SHISA5: variants seen among roughly 807,000 people sequenced by gnomAD.
SHISA5 encodes protein shisa-5.
Under a neutral mutation model 27.5 loss-of-function variants are expected in SHISA5, and 21 were observed. That is an observed-to-expected ratio of 0.76 (90% CI 0.54 to 1.10). SHISA5 has a LOEUF of 1.10. Ranked by LOEUF, SHISA5 falls within the 50% of genes least tolerant of loss-of-function variation. The probability of loss-of-function intolerance (pLI) is 0.00; values close to 1 mark genes in which losing one functional copy is unlikely to be tolerated. For synonymous variants in SHISA5, 137 were observed against 142.2 expected, an observed-to-expected ratio of 0.96 and a Z score of 0.26; for missense variants, 314 against 336.3, an observed-to-expected ratio of 0.93 and a Z score of 0.52.
rs748925455 is a variant in SHISA5 at position 48,469,834 on chromosome 3, C to T, written c.324G>A (p.Ala108=). 1.5e-5 allele frequency: 24 copies of T among 1,613,272 alleles called. No homozygotes were observed. Among genetic ancestry groups the T allele is most frequent in the Non-Finnish European group, 2.0e-5 (24 of 1,179,702 alleles). Residue 108 remains alanine (A), a synonymous_variant, in exon 4 of 6, where the codon GCG becomes GCA. Coordinates refer to ENST00000296444, the MANE Select transcript of SHISA5 (RefSeq NM_016479.6). This position sits in a 1 kb window ranked among gnomAD's most constrained non-coding sequence, Gnocchi z 4.6. ...GYNDPMSGFG[A]TLAVGLTIFV... ...AGATGGTCAGGCCAACGGCCAAGGT[C>T]GCTCCGAACCTGCCAAAGAGCTAGA... is the stretch of plus-strand genomic sequence containing the variant.
chr3:48,468,037 C>G lies in SHISA5; in HGVS notation c.*1070G>C. 1.7e-6 allele frequency: 1 copy of G among 589,496 alleles called. No individual in the cohort carries two copies. The highest frequency in any genetic ancestry group is 2.2e-6 in the Non-Finnish European group (1 of 454,862). The allele number at this position is 589,496 out of a possible 1,614,324, so 36.5% of individuals were successfully genotyped here. A position where few individuals can be genotyped will look rare whatever the true frequency, so the allele number is the denominator to read the frequency against. On this transcript the variant is annotated 3_prime_UTR_variant, in exon 6 of 6. Coordinates refer to ENST00000296444, the MANE Select transcript of SHISA5 (RefSeq NM_016479.6). ...TGCCATCCAGGGCCCCACACCCCAC[C>G]TTTGGTCCAGATGGCCCATTGGCCC...
chr3:48,500,824 C>T (rs1039324295), intron 2 of SHISA5, among the ~76,000 whole-genome samples: 2 of 152,172 alleles, frequency 1.3e-5, no homozygotes, highest in Non-Finnish European at 2.9e-5. Context: ...ACCCTGAGGA[C>T]ATCTTGGCAC....
Position 48,483,980 on chromosome 3 carries a change from G to A in SHISA5, c.234-4723C>T, listed in dbSNP as rs1308866694. Among the ~76,000 whole-genome samples the A allele has an allele frequency of 2.6e-5, 4 of 152,284 alleles. No individual in the cohort carries two copies. In the East Asian group the frequency reaches 5.8e-4, roughly 22 times the overall value. On this transcript the variant is annotated intron_variant, in intron 2 of 5. Transcript: ENST00000296444. ...GATCCTCCTGCCTCAGCCTCCCAAA[G>A]TGCTGGGATTACAGGTGTGAGCCAC...
intron 3 of SHISA5, among the ~76,000 whole-genome samples, chr3:48,476,646 A>T (rs2040835805): frequency 6.6e-6 from 1 of 152,156 alleles, no homozygotes; most frequent in Admixed American, 6.5e-5. Context: ...CACCTGAGAG[A>T]GTTCAAAAGA....
At position 48,469,964 on chromosome 3, in the gene SHISA5, C is replaced by A. The variant is rs1460830435; in HGVS notation, c.315-121G>T. ...TGGGCAATACAGTTATAGCTACTTC[C>A]TTGTCGGGTGGCCTGCACCTGTTTC... On this transcript the variant is annotated intron_variant, in intron 3 of 5. Transcript: ENST00000296444. This position sits in a 1 kb window ranked among gnomAD's most constrained non-coding sequence, Gnocchi z 4.6. 2 of 1,324,506 alleles carry A rather than the reference C, an allele frequency of 1.5e-6. No individual in the cohort carries two copies. The highest frequency in any genetic ancestry group is 1.0e-6 in the Non-Finnish European group (1 of 971,622). 82.0% of individuals were successfully genotyped at this position (1,324,506 alleles called of 1,614,324 possible). A position where few individuals can be genotyped will look rare whatever the true frequency, so the allele number is the denominator to read the frequency against.
intron 2 of SHISA5, among the ~76,000 whole-genome samples, chr3:48,482,268 A>C (rs1259441634): frequency 6.6e-6 from 1 of 151,826 alleles, no homozygotes; most frequent in East Asian, 1.9e-4. Flanking sequence ...AGCCAAGTGC[A>C]ATAGCACACA....
intron 2 of SHISA5, among the ~76,000 whole-genome samples, chr3:48,491,071 C>T (rs1209185116): frequency 7.1e-6 from 1 of 141,310 alleles, no homozygotes; most frequent in African/African-American, 2.6e-5. Context: ...CCCACCCTCC[C>T]AACCCCCCGC....
chr3:48,473,473 C>A lies in SHISA5; in HGVS notation c.315-3630G>T. 1 of 1,292,728 alleles carries A rather than the reference C, an allele frequency of 7.7e-7. No homozygotes were observed. Among genetic ancestry groups the A allele is most frequent in the Non-Finnish European group, 1.0e-6 (1 of 991,156 alleles). 80.1% of individuals were successfully genotyped at this position (1,292,728 alleles called of 1,614,324 possible). On this transcript the variant is annotated intron_variant, in intron 3 of 5. Coordinates refer to ENST00000296444, the MANE Select transcript of SHISA5 (RefSeq NM_016479.6). The surrounding 1 kb of genome is among the most constrained non-coding windows in gnomAD (Gnocchi z 4.3). ...CAGCCTCCAGGAGGAGCTTCTGCAT[C>A]CATCTAGGCCCAGAGGGCGACCCTG...
rs1560115857 is a variant in SHISA5 at position 48,468,785 on chromosome 3, G to GC, written c.*321dup. 7.1e-7 allele frequency: 1 copy of GC among 1,418,178 alleles called. No individual in the cohort carries two copies. The highest frequency in any genetic ancestry group is 9.3e-7 in the Non-Finnish European group (1 of 1,071,692). 87.8% of individuals were successfully genotyped at this position (1,418,178 alleles called of 1,614,324 possible). A position where few individuals can be genotyped will look rare whatever the true frequency, so the allele number is the denominator to read the frequency against. On this transcript the variant is annotated 3_prime_UTR_variant, in exon 6 of 6. Coordinates refer to ENST00000296444, the MANE Select transcript of SHISA5 (RefSeq NM_016479.6). ...AGAACTCCAGATGTGCCCTGGAGAGGCCCCCACCTCTCAGGGGCCACCTCA... is the reference window on the plus strand; with the variant it reads ...AGAACTCCAGATGTGCCCTGGAGAGGCCCCCCACCTCTCAGGGGCCACCTCA...
chr3:48,477,392 G>A (rs182631186), intron 3 of SHISA5, among the ~76,000 whole-genome samples: 21 of 152,050 alleles, frequency 1.4e-4, no homozygotes, highest in African/African-American at 1.2e-4. Flanking sequence ...CACCACGCCC[G>A]GCCTCCCTTT....
intron 2 of SHISA5, among the ~76,000 whole-genome samples, chr3:48,483,620 G>A (rs1200014976): frequency 1.3e-5 from 2 of 152,044 alleles, no homozygotes; most frequent in African/African-American, 2.4e-5. Flanking sequence ...TCCCAGACGG[G>A]GTGGTGGCCG....
chr3:48,498,132 C>T (rs1560134489), intron 2 of SHISA5, among the ~76,000 whole-genome samples: 2 of 152,072 alleles, frequency 1.3e-5, no homozygotes, highest in African/African-American at 4.8e-5. Context: ...TACAAATGCA[C>T]AAAAAGCATT....
rs2041313202 is a variant in SHISA5, at chr3:48,488,322, G to A, written c.234-9065C>T. On this transcript the variant is annotated intron_variant, in intron 2 of 5. Coordinates refer to ENST00000296444, the MANE Select transcript of SHISA5 (RefSeq NM_016479.6). ...GACTCAATGCAAGCTCCGCCTCCCT[G>A]GTTCACGCCATTCTCCTCCCTTAGC... is the stretch of plus-strand genomic sequence containing the variant. Among the ~76,000 whole-genome samples the A allele has an allele frequency of 7.6e-5, 11 of 144,166 alleles. No individual in the cohort carries two copies. The South Asian group carries it at 2.2e-3, about 28-fold the overall frequency. The allele number at this position is 144,166 out of a possible 152,430, so 94.6% of individuals were successfully genotyped here.
At chr3:48,485,531 AAT>A (rs1019399068) in intron 2 of SHISA5, among the ~76,000 whole-genome samples, 3 of 143,568 alleles carry the variant, frequency 2.1e-5, no homozygotes, top group East Asian at 2.0e-4. Flanking sequence ...ATATATATTA[AAT>A]ATATATATTA....
chr3:48,503,792 G>C (rs1317788281), intron 1 of SHISA5: 5 of 1,254,078 alleles, frequency 4.0e-6, no homozygotes. Flanking sequence ...TTCCAGGACA[G>C]ACAAAGGTGG....
In SHISA5 at chr3:48,469,700, C is replaced by A; in HGVS notation, c.430+28G>T. The A allele has an allele frequency of 6.2e-7, 1 of 1,612,982 alleles. No homozygotes were observed. Among genetic ancestry groups the A allele is most frequent in the African/African-American group, 1.3e-5 (1 of 75,020 alleles). ...AGCTTCCCTTACCACCCCAGGGGGTCACAGTGGGGCAGGGTGGGCACGCTT... is the reference window on the plus strand; with the variant it reads ...AGCTTCCCTTACCACCCCAGGGGGTAACAGTGGGGCAGGGTGGGCACGCTT... On this transcript the variant is annotated intron_variant, in intron 4 of 5. Coordinates refer to ENST00000296444, the MANE Select transcript of SHISA5 (RefSeq NM_016479.6). The surrounding 1 kb of genome is among the most constrained non-coding windows in gnomAD (Gnocchi z 4.6).
intron 2 of SHISA5, among the ~76,000 whole-genome samples, chr3:48,500,679 G>A (rs1432002284): frequency 6.6e-6 from 1 of 152,190 alleles, no homozygotes; most frequent in Non-Finnish European, 1.5e-5. Context: ...GCTGCGCTGG[G>A]AGGACACAGA....
Position 48,468,740 on chromosome 3 carries a change from A to T in SHISA5, c.*367T>A. ...CTGGTGTGACAGGCCCTACTTGGTC[A>T]CCCTAGGGTAAGCTGGAGAAGAACT... On this transcript the variant is annotated 3_prime_UTR_variant, in exon 6 of 6. Transcript: ENST00000296444. The T allele has an allele frequency of 1.5e-6, 2 of 1,339,168 alleles. No homozygotes were observed. Among genetic ancestry groups the T allele is most frequent in the Non-Finnish European group, 9.8e-7 (1 of 1,022,236 alleles). The allele number at this position is 1,339,168 out of a possible 1,614,324, so 83.0% of individuals were successfully genotyped here.
intron 3 of SHISA5, chr3:48,472,951 C>T: frequency 1.4e-6 from 2 of 1,475,710 alleles, no homozygotes; most frequent in Non-Finnish European, 1.8e-6. Flanking sequence ...TATCATCCCT[C>T]CAGAGATCTC....
Sources: allele counts gnomAD v4.1 joint callset (sites outside exome capture counted in the v4.1 genomes callset), GRCh38; gene constraint gnomAD v4.1.1; non-coding constraint Gnocchi (gnomAD v3.1); transcripts MANE v1.5; gene names NCBI Gene and HGNC (gene_info 2026-07-23, HGNC 2026-07-21).